Variants in PRKDC observed in about 807,000 individuals in gnomAD.
PRKDC encodes DNA-dependent protein kinase catalytic subunit.
PRKDC carries 82 observed loss-of-function variants against 486.9 expected under a neutral mutation model. The ratio of observed to expected loss-of-function variants is 0.17; its 90% CI spans 0.14 to 0.20. PRKDC has a LOEUF of 0.20. Ranked by LOEUF, PRKDC falls within the 10% of genes least tolerant of loss-of-function variation. The pLI, the probability that PRKDC is intolerant of heterozygous loss-of-function variation, is 1.00. For synonymous variants in PRKDC, 1,895 were observed against 1,837.0 expected (o/e 1.03, Z -0.81); for missense variants, 4,504 against 5,038.2 (o/e 0.89, Z 3.21).
chr8:47,887,483 C>G, intron 35 of PRKDC, 64 bp downstream of exon 35: 1 of 1,383,652 alleles, frequency 7.2e-7, no homozygotes, highest in Non-Finnish European at 9.5e-7. Flanking sequence ...TCTAGAGACA[C>G]CTGCAAGTGA....
chr8:47,856,071 C>T (rs999394465), intron 49 of PRKDC, among the ~76,000 whole-genome samples: 4 of 152,194 alleles, frequency 2.6e-5, no homozygotes, highest in South Asian at 2.1e-4. Context: ...TTAAACTGAA[C>T]CCCTCTTAAT....
At chr8:47,803,189 T>C (rs138273544) in intron 70 of PRKDC, 117 bp downstream of exon 70, 2 of 1,033,642 alleles carry the variant, frequency 1.9e-6, no homozygotes, top group African/African-American at 1.6e-5. Flanking sequence ...TTCCCTGAAA[T>C]TACTGCAAAG....
At chr8:47,937,045 C>T (rs922717149) in intron 11 of PRKDC, among the ~76,000 whole-genome samples, 2 of 147,836 alleles carry the variant, frequency 1.4e-5, no homozygotes, top group Admixed American at 6.8e-5. Flanking sequence ...CTTGAGGTCA[C>T]GAGTTTGAGA....
rs1320246324 is a variant in PRKDC, at chr8:47,953,981, C to T, written c.509-62G>A. 7.0e-6 allele frequency: 6 copies of T among 851,158 alleles called. No homozygotes were observed. The East Asian group carries it at 1.1e-4, about 16-fold the overall frequency. The allele number at this position is 851,158 out of a possible 1,614,324, so 52.7% of individuals were successfully genotyped here. On this transcript the variant is annotated intron_variant, in intron 5 of 85. Transcript: ENST00000314191. ...CTACATTTAAATAAGTTAAACTAAC[C>T]AAAATGTATGAAGAAAATAAAATAA...
chr8:47,832,998 C>G (rs1230224911), intron 59 of PRKDC, among the ~76,000 whole-genome samples: 1 of 152,222 alleles, frequency 6.6e-6, no homozygotes, highest in Non-Finnish European at 1.5e-5. Context: ...AGGGGCCCCA[C>G]GTATGGAGCT....
chr8:47,836,491 T>C lies in PRKDC; in HGVS notation c.7798A>G (p.Thr2600Ala). ...TIDSDWRFRS[T>A]VLTPMFVETQ... ...TCCACAAACATCGGAGTGAGAACAGTACTTCGGAAACGCCAATCAGAATCA... is the reference window on the plus strand; with the variant it reads ...TCCACAAACATCGGAGTGAGAACAGCACTTCGGAAACGCCAATCAGAATCA... The change falls in exon 58 of 86, where the codon ACT becomes GCT. Residue 2600 changes from threonine (T) to alanine (A), a missense_variant. By Grantham distance (58) the Thr-to-Ala change is moderately conservative. This residue lies in a region of PRKDC where 1,592 missense variants were observed against 1,724.6 expected (regional missense o/e 0.92). Transcript: ENST00000314191. 1.9e-6 allele frequency: 3 copies of C among 1,609,000 alleles called. 1 individual carries two copies.
chr8:47,778,058 T>A (rs1162326374), intron 83 of PRKDC, among the ~76,000 whole-genome samples, 184 bp from the exon 84 acceptor site: 1 of 152,112 alleles, frequency 6.6e-6, no homozygotes, highest in African/African-American at 2.4e-5. Context: ...TCGGCTTGAG[T>A]TATCCCTCAA....
In PRKDC at chr8:47,912,478, G is replaced by T; in HGVS notation, c.2866C>A (p.Pro956Thr). Residue 956 changes from proline to threonine, a missense_variant, in exon 25 of 86, where the codon CCA becomes ACA. Physicochemically the swap from Pro to Thr is conservative, Grantham distance 38 (BLOSUM62 -1). This residue lies in a region of PRKDC where 1,969 missense variants were observed against 2,068.9 expected (regional missense o/e 0.95). Coordinates refer to ENST00000314191, the MANE Select transcript of PRKDC (RefSeq NM_006904.7). ...TQMPEGGQGA[P>T]PMYQLYKRTF... ...CGCTTATAGAGCTGGTACATGGGTG[G>T]GGCTCCCTGTCCCCCTTCTGGCATC... 2 of 1,612,576 alleles carry T rather than the reference G, an allele frequency of 1.2e-6. No homozygotes were observed. Among genetic ancestry groups the T allele is most frequent in the African/African-American group, 2.7e-5 (2 of 74,982 alleles).
chr8:47,888,411 T>C (rs2089381618), intron 34 of PRKDC, 107 bp downstream of exon 34: 1 of 972,316 alleles, frequency 1.0e-6, no homozygotes, highest in Non-Finnish European at 1.4e-6. Flanking sequence ...ATAATTCCCA[T>C]TTCAGCATGC....
At chr8:47,793,365 C>T (rs2086915982) in intron 74 of PRKDC, among the ~76,000 whole-genome samples, 1 of 152,194 alleles carries the variant, frequency 6.6e-6, no homozygotes, top group Non-Finnish European at 1.5e-5. Context: ...CATGGTGGCT[C>T]ACGCCTGTAA....
intron 80 of PRKDC, chr8:47,779,383 A>G: frequency 3.5e-6 from 1 of 286,636 alleles, no homozygotes; most frequent in African/African-American, 2.2e-5. Flanking sequence ...ATAGAGAGGA[A>G]TAAGATGAAC....
Position 47,877,866 on chromosome 8 carries a change from T to C in PRKDC, c.5236-15A>G, listed in dbSNP as rs773935849. 26 of 1,431,252 alleles carry C rather than the reference T, an allele frequency of 1.8e-5. No homozygotes were observed. The highest frequency in any genetic ancestry group is 2.2e-5 in the Non-Finnish European group (24 of 1,082,596). The allele number at this position is 1,431,252 out of a possible 1,614,324, so 88.7% of individuals were successfully genotyped here. ...GCATCTAGAAACTAGAAAAAATACA[T>C]CAACATCATTAAAATTTTGTTGGGT... On this transcript the variant is annotated splice_polypyrimidine_tract_variant and intron_variant, in intron 39 of 85. Transcript: ENST00000314191.
chr8:47,887,048 C>T (rs1389989731), intron 35 of PRKDC, among the ~76,000 whole-genome samples: 1 of 152,102 alleles, frequency 6.6e-6, no homozygotes, highest in Non-Finnish European at 1.5e-5. Flanking sequence ...GGGGTTTCTG[C>T]TACAGAAGAA....
At chr8:47,862,874 AC>A (rs1329012741) in intron 42 of PRKDC, among the ~76,000 whole-genome samples, 1 of 152,232 alleles carries the variant, frequency 6.6e-6, no homozygotes. Flanking sequence ...GTAAGACAGC[AC>A]CAAGTAAGAG....
At position 47,893,206 on chromosome 8, in the gene PRKDC, G is replaced by A. The variant is rs766735361; in HGVS notation, c.3780C>T (p.Leu1260=). 10 of 1,613,152 alleles carry A rather than the reference G, an allele frequency of 6.2e-6. No homozygotes were observed. Among genetic ancestry groups the A allele is most frequent in the South Asian group, 3.3e-5 (3 of 90,906 alleles). Residue 1260 remains leucine (L), a synonymous_variant, in exon 31 of 86, where the codon CTC becomes CTT. Transcript: ENST00000314191. ...LQATLCWLDL[L]LAALECYNTF... ...TGTTGTAGCACTCCAACGCGGCCAG[G>A]AGCAGGTCCAGCCAGCATAGCGTGG...
Position 47,957,207 on chromosome 8 carries a change from C to T in PRKDC, c.288G>A (p.Met96Ile). The change falls in exon 3 of 86, where the codon ATG becomes ATA. Residue 96 changes from methionine (M) to isoleucine (I), a missense_variant. Around this residue, in one of 6 missense-constraint regions of PRKDC, gnomAD observed 145 missense variants for 136.3 expected, o/e 1.06. Coordinates refer to ENST00000314191, the MANE Select transcript of PRKDC (RefSeq NM_006904.7). ...CAGAGTAAGGTGCGATCTTCTGGCC[C>T]ATTTTTTCTAAGAAAATACATAAAA... The part of the protein sequence containing the change: ...LKFLCIFLEK[M>I]GQKIAPYSVE... 6.3e-7 allele frequency: 1 copy of T among 1,600,000 alleles called. No homozygotes were observed. The highest frequency in any genetic ancestry group is 1.1e-5 in the South Asian group (1 of 90,452).
chr8:47,915,635 A>G (rs1489631379), intron 22 of PRKDC, among the ~76,000 whole-genome samples: 1 of 152,230 alleles, frequency 6.6e-6, no homozygotes, highest in Non-Finnish European at 1.5e-5. Context: ...ATGACATTAG[A>G]AATTGAAACA....
intron 54 of PRKDC, among the ~76,000 whole-genome samples, chr8:47,848,586 C>T (rs953465354): frequency 8.0e-5 from 12 of 149,564 alleles, no homozygotes; most frequent in African/African-American, 3.0e-4. Flanking sequence ...CTCAGCATTA[C>T]GCAATATACC....
intron 21 of PRKDC, among the ~76,000 whole-genome samples, chr8:47,922,413 A>G (rs745530775): frequency 1.6e-4 from 25 of 152,038 alleles, no homozygotes; most frequent in Non-Finnish European, 3.1e-4. Context: ...CGGAGGTTGC[A>G]GTGAGCCAAG....
Sources: gnomAD v4.1 joint callset for allele counts (sites outside exome capture counted in the v4.1 genomes callset) on GRCh38, gnomAD v4.1.1 for gene constraint, gnomAD v4.1.1 regional missense constraint, MANE v1.5 for transcripts, NCBI Gene and HGNC (gene_info 2026-07-23, HGNC 2026-07-21) for gene names.